COL4A3: variants seen among roughly 807,000 people sequenced by gnomAD.
COL4A3 encodes collagen type IV alpha 3 chain.
In COL4A3, 135 loss-of-function variants were observed where a neutral mutation model predicts 217.4. The observed-to-expected ratio is 0.62, with a 90% CI of 0.54 to 0.72. The LOEUF (loss-of-function observed/expected upper bound fraction) is 0.72, where lower values mean the gene tolerates loss of function less well. Among genes scored for constraint, COL4A3 ranks in the 30% least tolerant of loss-of-function variants. The pLI is 0.00. For missense variants in COL4A3, 1,868 were observed against 2,119.9 expected (o/e 0.88, Z 2.33); for synonymous variants, 690 against 736.3 (o/e 0.94, Z 1.02).
rs2069729568 is a variant in COL4A3 at position 227,251,360 on chromosome 2, A to G, written c.634A>G (p.Arg212Gly). 3 of 1,612,864 alleles carry G rather than the reference A, an allele frequency of 1.9e-6. No homozygotes were observed. Among genetic ancestry groups the G allele is most frequent in the South Asian group, 1.1e-5 (1 of 91,012 alleles). The change falls in exon 11 of 52, where the codon AGA (arginine) becomes GGA (glycine). Residue 212 changes from arginine to glycine, a missense_variant. Physicochemically the swap from Arg to Gly is moderately radical, Grantham distance 125 (BLOSUM62 -2). Coordinates refer to ENST00000396578, the MANE Select transcript of COL4A3 (RefSeq NM_000091.5). Reference sequence around the variant, plus strand: ...GGGCTTTCCAGGAGCCATGGGACCTAGAGGACCTAAGGTAGACTACAGTTC... The same window carrying G: ...GGGCTTTCCAGGAGCCATGGGACCTGGAGGACCTAAGGTAGACTACAGTTC... ...FFGFPGAMGP[R>G]GPKGHMGERV...
chr2:227,213,564 G>C (rs1460442672), intron 1 of COL4A3, among the ~76,000 whole-genome samples: 1 of 152,124 alleles, frequency 6.6e-6, no homozygotes, highest in Non-Finnish European at 1.5e-5. Flanking sequence ...TACACCATAT[G>C]TAAGAGATAC....
rs200858199 is a variant in COL4A3 at position 227,309,228 on chromosome 2, G to T, written c.4665G>T (p.Ala1555=). 2.2e-5 allele frequency: 36 copies of T among 1,614,050 alleles called. No homozygotes were observed. Among genetic ancestry groups the T allele is most frequent in the South Asian group, 3.3e-5 (3 of 91,082 alleles). The change falls in exon 50 of 52, where the codon GCG becomes GCT. Residue 1555 remains alanine, a synonymous_variant. Coordinates refer to ENST00000396578, the MANE Select transcript of COL4A3 (RefSeq NM_000091.5). ...ISRCTVCEGP[A]IAIAVHSQTT... is the part of the protein sequence containing the mutation. ...GATGCACTGTTTGTGAAGGTCCTGC[G>T]ATCGCCATAGCCGTTCACAGCCAAA...
chr2:227,195,667 A>ATATG (rs1226857286), intron 1 of COL4A3, among the ~76,000 whole-genome samples: 5,126 of 139,906 alleles, frequency 0.037, 184 homozygotes, highest in Admixed American at 0.12. Context: ...ATATATATAT[A>ATATG]TGTGTGTGTG....
Position 227,222,174 on chromosome 2 carries a change from T to TAATAATAATAAA in COL4A3, c.88-15789_88-15788insTAATAAAAATAA, listed in dbSNP as rs773760137. ...ATAATAATAATAATAATGATAATGA[T>TAATAATAATAAA]AATAAAAAGCTCCTTAAGCACCCTT... On this transcript the variant is annotated intron_variant, in intron 1 of 51. Transcript: ENST00000396578. 6.7e-4 allele frequency among the ~76,000 whole-genome samples: 76 copies of TAATAATAATAAA among 113,170 alleles called. 1 individual carries two copies. Among genetic ancestry groups the TAATAATAATAAA allele is most frequent in the Non-Finnish European group, 9.3e-4 (47 of 50,298 alleles). 74.2% of individuals were successfully genotyped at this position (113,170 alleles called of 152,430 possible). A position where few individuals can be genotyped will look rare whatever the true frequency, so the allele number is the denominator to read the frequency against.
At chr2:227,255,258 G>C (rs1265828905) in intron 15 of COL4A3, among the ~76,000 whole-genome samples, 1 of 152,146 alleles carries the variant, frequency 6.6e-6, no homozygotes, top group South Asian at 2.1e-4. Context: ...GAACCACCCA[G>C]AGGGAGGGAA....
At chr2:227,180,311 G>T (rs942170714) in intron 1 of COL4A3, among the ~76,000 whole-genome samples, 4 of 152,236 alleles carry the variant, frequency 2.6e-5, no homozygotes, top group African/African-American at 9.6e-5. Flanking sequence ...CCACGCAGGT[G>T]CCAGTGCTCT....
chr2:227,207,001 G>A (rs1487309174), intron 1 of COL4A3, among the ~76,000 whole-genome samples: 2 of 152,264 alleles, frequency 1.3e-5, no homozygotes, highest in Non-Finnish European at 2.9e-5. Context: ...TTGTGGTTAA[G>A]AGGAAGCCCA....
At chr2:227,258,425 CCT>C (rs2070334488) in intron 18 of COL4A3, among the ~76,000 whole-genome samples, 1 of 152,124 alleles carries the variant, frequency 6.6e-6, no homozygotes, top group Admixed American at 6.5e-5. Flanking sequence ...GCATAGAGCC[CCT>C]GTCTTAGTCT....
intron 1 of COL4A3, among the ~76,000 whole-genome samples, chr2:227,226,476 T>TTG (rs67711200): frequency 0.11 from 5,550 of 50,484 alleles, 187 homozygotes; most frequent in Admixed American, 0.28. Flanking sequence ...GTTAGGTTTG[T>TTG]TTTTTTTTTT....
chr2:227,257,962 G>A (rs1238285910), intron 18 of COL4A3, among the ~76,000 whole-genome samples: 2 of 152,196 alleles, frequency 1.3e-5, no homozygotes, highest in Non-Finnish European at 2.9e-5. Flanking sequence ...AAGGGATGAA[G>A]AAGTCAACTT....
At position 227,303,875 on chromosome 2, in the gene COL4A3, T is replaced by C. The variant is rs2073393866; in HGVS notation, c.3972T>C (p.Pro1324=). ...TGTTTTTAGGAGAAAAGGGTAATCCTGGATTTCTAGGATCCATTGGACCTC... is the reference window on the plus strand; with the variant it reads ...TGTTTTTAGGAGAAAAGGGTAATCCCGGATTTCTAGGATCCATTGGACCTC... ...FPGVKGEKGN[P]GFLGSIGPPG... is the part of the protein sequence containing the mutation. The change falls in exon 45 of 52, where the codon CCT becomes CCC. Residue 1324 remains proline, a synonymous_variant. Transcript: ENST00000396578. 6.2e-7 allele frequency: 1 copy of C among 1,614,002 alleles called. No individual in the cohort carries two copies. The highest frequency in any genetic ancestry group is 1.3e-5 in the African/African-American group (1 of 74,940).
At chr2:227,284,174 G>T (rs779686210) in intron 33 of COL4A3, 37 bp from the exon 34 acceptor site, 1 of 1,613,688 alleles carries the variant, frequency 6.2e-7, no homozygotes, top group South Asian at 1.1e-5. Context: ...ACTACCTGAA[G>T]AATTAAGGAC....
At chr2:227,304,963 T>C in intron 46 of COL4A3, 22 bp from the exon 47 acceptor site, 1 of 1,598,166 alleles carries the variant, frequency 6.3e-7, no homozygotes, top group Non-Finnish European at 8.6e-7. Flanking sequence ...TAAAATGCAA[T>C]ACAATGTTGG....
At chr2:227,202,746 A>AAAATATAT (rs1553738297) in intron 1 of COL4A3, among the ~76,000 whole-genome samples, 1 of 22,218 alleles carries the variant, frequency 4.5e-5, no homozygotes, top group African/African-American at 1.2e-4. Flanking sequence ...AAAAAAAAAA[A>AAAATATAT]ATATATATAT....
At chr2:227,270,533 A>G (rs577295595) in intron 24 of COL4A3, among the ~76,000 whole-genome samples, 107 of 152,342 alleles carry the variant, frequency 7.0e-4, no homozygotes, top group Middle Eastern at 3.4e-3. Flanking sequence ...ATGGTATTAA[A>G]TTATATTATT....
At chr2:227,217,520 A>G (rs1466113199) in intron 1 of COL4A3, among the ~76,000 whole-genome samples, 1 of 152,188 alleles carries the variant, frequency 6.6e-6, no homozygotes, top group Non-Finnish European at 1.5e-5. Context: ...ACCAATAGCC[A>G]CAGTTTATAG....
intron 3 of COL4A3, among the ~76,000 whole-genome samples, chr2:227,243,018 T>C (rs1014422946): frequency 1.3e-5 from 2 of 152,214 alleles, no homozygotes; most frequent in Non-Finnish European, 2.9e-5. Flanking sequence ...CCATTTCTAT[T>C]GGTAGAACGA....
Position 227,164,734 on chromosome 2 carries a change from C to A in COL4A3, c.8C>A (p.Ala3Asp). The change falls in exon 1 of 52, where the codon GCC becomes GAC. Residue 3 changes from alanine to aspartate, a missense_variant. By Grantham distance (126) the Ala-to-Asp change is moderately radical. This residue lies in a region of COL4A3 where 365 missense variants were observed against 333.8 expected (regional missense o/e 1.09). Coordinates refer to ENST00000396578, the MANE Select transcript of COL4A3 (RefSeq NM_000091.5). This position sits in a 1 kb window ranked among gnomAD's most constrained non-coding sequence, Gnocchi z 4.8. Reference protein sequence around the residue: MSARTAPRPQVLL... With the variant: MSDRTAPRPQVLL... ...TCTGAGCGCGCGCCCACCATGAGCG[C>A]CCGGACCGCCCCCAGGCCGCAGGTG... 1 of 1,529,988 alleles carries A rather than the reference C, an allele frequency of 6.5e-7. No individual in the cohort carries two copies. The highest frequency in any genetic ancestry group is 1.2e-5 in the South Asian group (1 of 83,728). 94.8% of individuals were successfully genotyped at this position (1,529,988 alleles called of 1,614,324 possible). A position where few individuals can be genotyped will look rare whatever the true frequency, so the allele number is the denominator to read the frequency against.
rs79026991 is a variant in COL4A3, at chr2:227,170,278, C to T, written c.87+5465C>T. 3.1e-3 allele frequency among the ~76,000 whole-genome samples: 466 copies of T among 152,072 alleles called. 7 individuals carry two copies. Among genetic ancestry groups the T allele is most frequent in the East Asian group, 0.02 (103 of 5,176 alleles). ...ACATTGTCAGTGAATAGTTTTTCTT[C>T]CTTTCTAATCTTTATGCCTTTTTTC... is the stretch of plus-strand genomic sequence containing the variant. On this transcript the variant is annotated intron_variant, in intron 1 of 51. Transcript: ENST00000396578.
Sources: allele counts gnomAD v4.1 joint callset (sites outside exome capture counted in the v4.1 genomes callset), GRCh38; gene constraint gnomAD v4.1.1; regional missense constraint gnomAD v4.1.1; non-coding constraint Gnocchi (gnomAD v3.1); transcripts MANE v1.5; gene names NCBI Gene and HGNC (gene_info 2026-07-23, HGNC 2026-07-21).